Variants in CACNB2 observed in about 807,000 individuals in gnomAD.
CACNB2 encodes the protein calcium voltage-gated channel auxiliary subunit beta 2.
In CACNB2, 42 loss-of-function variants were observed where a neutral mutation model predicts 73.3. The observed-to-expected ratio is 0.57, with a 90% CI of 0.45 to 0.74. The LOEUF (loss-of-function observed/expected upper bound fraction) is 0.74. Among genes scored for constraint, CACNB2 ranks in the 30% least tolerant of loss-of-function variants. The pLI is 0.00. For synonymous variants in CACNB2, 348 were observed against 310.3 expected, an observed-to-expected ratio of 1.12 and a Z score of -1.28; for missense variants, 940 against 853.0, an observed-to-expected ratio of 1.10 and a Z score of -1.27.
chr10:18,259,856 G>GT (rs1259076490), intron 2 of CACNB2, among the ~76,000 whole-genome samples: 18 of 152,122 alleles, frequency 1.2e-4, no homozygotes, highest in Non-Finnish European at 1.5e-5. Flanking sequence ...GCTGCAGTGA[G>GT]CCATGATTGC....
intron 2 of CACNB2, among the ~76,000 whole-genome samples, chr10:18,308,043 G>A (rs1056100902): frequency 3.8e-5 from 5 of 130,948 alleles, no homozygotes; most frequent in Non-Finnish European, 7.8e-5. Context: ...CCCTGGGCTG[G>A]AGTACAGTGG....
chr10:18,382,724 C>A (rs569501182), intron 2 of CACNB2, among the ~76,000 whole-genome samples: 5 of 152,166 alleles, frequency 3.3e-5, no homozygotes, highest in Non-Finnish European at 7.3e-5. Flanking sequence ...TGATCTCATT[C>A]CTTTTTATGG....
chr10:18,527,540 G>C (rs372339710), intron 9 of CACNB2, 48 bp from the exon 10 acceptor site: 10 of 1,216,524 alleles, frequency 8.2e-6, no homozygotes, highest in Non-Finnish European at 1.2e-5. Context: ...TATCCCCTTT[G>C]ATTAGACCAA....
intron 3 of CACNB2, among the ~76,000 whole-genome samples, chr10:18,476,379 A>G (rs947211562): frequency 2.0e-5 from 3 of 152,132 alleles, no homozygotes; most frequent in African/African-American, 7.2e-5. Flanking sequence ...AACAAAGTAT[A>G]CTCTACATAG....
intron 2 of CACNB2, among the ~76,000 whole-genome samples, chr10:18,167,746 T>C (rs1160202608): frequency 2.0e-5 from 3 of 152,148 alleles, no homozygotes; most frequent in Non-Finnish European, 4.4e-5. Flanking sequence ...GAGAAGTAGT[T>C]CAGCTTGCTC....
intron 2 of CACNB2, among the ~76,000 whole-genome samples, chr10:18,272,640 A>G (rs2038103581): frequency 9.0e-6 from 1 of 111,096 alleles, no homozygotes. Flanking sequence ...TTCTCATGAT[A>G]GTGAACAAGT....
At chr10:18,390,359 C>T (rs1325863654) in intron 2 of CACNB2, among the ~76,000 whole-genome samples, 2 of 152,170 alleles carry the variant, frequency 1.3e-5, no homozygotes, top group Non-Finnish European at 2.9e-5. Context: ...ACTACAGGCA[C>T]CCGCCACCAT....
At chr10:18,509,598 A>G (rs747194554) in intron 6 of CACNB2, among the ~76,000 whole-genome samples, 1 of 152,144 alleles carries the variant, frequency 6.6e-6, no homozygotes, top group Non-Finnish European at 1.5e-5. Context: ...CAGGAGTTCA[A>G]GACCAGCCTG....
chr10:18,344,885 C>G (rs531833101), intron 2 of CACNB2, among the ~76,000 whole-genome samples: 1 of 152,224 alleles, frequency 6.6e-6, no homozygotes, highest in Non-Finnish European at 1.5e-5. Flanking sequence ...GCATATTGTA[C>G]TGCAGTTCTT....
chr10:18,310,001 C>T (rs1401650631), intron 2 of CACNB2, among the ~76,000 whole-genome samples: 1 of 152,104 alleles, frequency 6.6e-6, no homozygotes, highest in Non-Finnish European at 1.5e-5. Context: ...CATCAGAGGA[C>T]TTAATTTATA....
chr10:18,300,051 C>T (rs1400985621), intron 2 of CACNB2, among the ~76,000 whole-genome samples: 2 of 150,740 alleles, frequency 1.3e-5, no homozygotes, highest in African/African-American at 4.9e-5. Flanking sequence ...GACGGAGTTT[C>T]ACTCTTCTTC....
At chr10:18,301,118 C>T (rs1253706567) in intron 2 of CACNB2, among the ~76,000 whole-genome samples, 10 of 152,170 alleles carry the variant, frequency 6.6e-5, no homozygotes, top group African/African-American at 1.7e-4. Context: ...GAAGTGCAAA[C>T]GTAGCAGTGT....
At chr10:18,241,794 G>T (rs1460386085) in intron 2 of CACNB2, among the ~76,000 whole-genome samples, 1 of 151,608 alleles carries the variant, frequency 6.6e-6, no homozygotes, top group Non-Finnish European at 1.5e-5. Context: ...AATCTTTATA[G>T]TCTGCTGAAA....
chr10:18,162,741 T>A (rs2032559169), intron 2 of CACNB2, among the ~76,000 whole-genome samples: 1 of 152,182 alleles, frequency 6.6e-6, no homozygotes, highest in South Asian at 2.1e-4. Flanking sequence ...ATGACTTACT[T>A]ACATAACATC....
chr10:18,384,278 T>A (rs527288097), intron 2 of CACNB2, among the ~76,000 whole-genome samples: 1 of 152,328 alleles, frequency 6.6e-6, no homozygotes, highest in South Asian at 2.1e-4. Flanking sequence ...ATAGTGTACC[T>A]CTTTTTCTGT....
intron 2 of CACNB2, among the ~76,000 whole-genome samples, chr10:18,362,193 T>C (rs950465669): frequency 6.6e-5 from 10 of 152,218 alleles, no homozygotes; most frequent in Admixed American, 5.9e-4. Flanking sequence ...TTTGTATACA[T>C]GCATACATCC....
intron 3 of CACNB2, among the ~76,000 whole-genome samples, chr10:18,445,076 C>T (rs192683888): frequency 1.3e-5 from 2 of 152,192 alleles, no homozygotes; most frequent in Admixed American, 1.3e-4. Flanking sequence ...TTTTCCCTAC[C>T]ACAAGTATCT....
At chr10:18,286,735 T>C (rs531919787) in intron 2 of CACNB2, among the ~76,000 whole-genome samples, 60 of 152,232 alleles carry the variant, frequency 3.9e-4, no homozygotes, top group African/African-American at 1.4e-3. Context: ...TGTGAAAATA[T>C]TGTAATCTGA....
chr10:18,377,293 A>G (rs916938817), intron 2 of CACNB2, among the ~76,000 whole-genome samples: 2 of 152,250 alleles, frequency 1.3e-5, no homozygotes, highest in Admixed American at 1.3e-4. Context: ...GAATTGGAGT[A>G]AGGAATGACT....
Sources: allele counts gnomAD v4.1 joint callset (sites outside exome capture counted in the v4.1 genomes callset), GRCh38; gene constraint gnomAD v4.1.1; transcripts MANE v1.5; gene names NCBI Gene and HGNC (gene_info 2026-07-23, HGNC 2026-07-21).